FRMD4A: variants seen among roughly 807,000 people sequenced by gnomAD.
The protein encoded by FRMD4A is FERM domain containing 4A.
In FRMD4A, 29 loss-of-function variants were observed where a neutral mutation model predicts 129.1. The observed-to-expected ratio is 0.22, with a 90% confidence interval of 0.17 to 0.31. The LOEUF (loss-of-function observed/expected upper bound fraction) is 0.31. Among genes scored for constraint, FRMD4A ranks in the 10% least tolerant of loss-of-function variants. The pLI, the probability that FRMD4A is intolerant of heterozygous loss-of-function variation, is 1.00. For missense variants in FRMD4A, 1,272 were observed against 1,375.8 expected (o/e 0.92, Z 1.19); for synonymous variants, 634 against 571.6 (o/e 1.11, Z -1.56).
chr10:13,792,062 T>A lies in FRMD4A; in HGVS notation c.299+4434A>T, dbSNP rs1037673137. 2.0e-5 allele frequency among the ~76,000 whole-genome samples: 3 copies of A among 152,162 alleles called. No homozygotes were observed. The East Asian group carries it at 5.9e-4, about 30-fold the overall frequency. ...TGGTATTTCCAAGATATCCAGTGTA[T>A]CCCTTCAGAGTGGCAGCCTGCCAAG... is the stretch of plus-strand genomic sequence containing the variant. On this transcript the variant is annotated intron_variant, in intron 5 of 24. Transcript: ENST00000357447.
rs1724093786 is a variant in FRMD4A, at chr10:13,965,064, C to CTT, written c.46-106153_46-106152insAA. On this transcript the variant is annotated intron_variant, in intron 2 of 24. Transcript: ENST00000357447. ...AGGTAACATTGGAATGACCACTGGG[C>CTT]ATTTTTTTTTTTTTTTTGAATTCAG... Among the ~76,000 whole-genome samples, 10 of 111,024 alleles carry CTT rather than the reference C, an allele frequency of 9.0e-5. No individual in the cohort carries two copies. In the East Asian group the frequency reaches 2.7e-3, roughly 31 times the overall value. The allele number at this position is 111,024 out of a possible 152,430, so 72.8% of individuals were successfully genotyped here.
chr10:14,076,274 T>C (rs1039939003), intron 2 of FRMD4A, among the ~76,000 whole-genome samples: 4 of 152,130 alleles, frequency 2.6e-5, no homozygotes, highest in African/African-American at 9.7e-5. Context: ...AAGATGAAAA[T>C]GTGCTTGGGT....
Position 14,161,107 on chromosome 10 carries a change from A to G in FRMD4A, c.45+168951T>C, listed in dbSNP as rs1840863675. Among the ~76,000 whole-genome samples the G allele has an allele frequency of 1.3e-5, 2 of 152,078 alleles. 1 individual carries two copies. Among genetic ancestry groups the G allele is most frequent in the Admixed American group, 1.3e-4 (2 of 15,264 alleles). The stretch of plus-strand genomic sequence containing the variant: ...GTCGCTGGGATTACAGGCACCTGCC[A>G]CCACACCTGGATAATTTTTTGTAGT... On this transcript the variant is annotated intron_variant, in intron 2 of 24. Coordinates refer to ENST00000357447, the MANE Select transcript of FRMD4A (RefSeq NM_018027.5).
intron 2 of FRMD4A, among the ~76,000 whole-genome samples, chr10:14,237,497 AT>A (rs1285181906): frequency 1.3e-5 from 2 of 151,850 alleles, no homozygotes; most frequent in Non-Finnish European, 2.9e-5. Flanking sequence ...TGTCCAGCTA[AT>A]TTTTGTATTT....
chr10:13,726,614 C>T (rs1322309196), intron 12 of FRMD4A, among the ~76,000 whole-genome samples: 1 of 152,178 alleles, frequency 6.6e-6, no homozygotes, highest in Non-Finnish European at 1.5e-5. Flanking sequence ...TCGTAAGTCT[C>T]AGGCGGGGAT....
chr10:13,913,301 G>C (rs1220632673), intron 2 of FRMD4A, among the ~76,000 whole-genome samples: 1 of 152,142 alleles, frequency 6.6e-6, no homozygotes, highest in Non-Finnish European at 1.5e-5. Flanking sequence ...ATGTGTGTGG[G>C]GATGATAGCT....
At chr10:13,949,456 T>A (rs1384473380) in intron 2 of FRMD4A, among the ~76,000 whole-genome samples, 1 of 152,084 alleles carries the variant, frequency 6.6e-6, no homozygotes, top group Non-Finnish European at 1.5e-5. Context: ...TCAAGTTGAG[T>A]TTTCTTTTAG....
intron 2 of FRMD4A, among the ~76,000 whole-genome samples, chr10:14,125,977 C>A (rs1838818381): frequency 6.6e-6 from 1 of 152,114 alleles, no homozygotes; most frequent in African/African-American, 2.4e-5. Context: ...ATTTACTAAA[C>A]CGATGATAAA....
chr10:14,122,559 G>T (rs1250560431), intron 2 of FRMD4A, among the ~76,000 whole-genome samples: 3 of 150,924 alleles, frequency 2.0e-5, no homozygotes, highest in Non-Finnish European at 4.4e-5. Context: ...AGAATGTGAA[G>T]CGGGGAGCAG....
chr10:13,860,925 A>G (rs533676126), intron 2 of FRMD4A, among the ~76,000 whole-genome samples: 33 of 152,330 alleles, frequency 2.2e-4, no homozygotes, highest in Non-Finnish European at 4.0e-4. Flanking sequence ...ACTACAGAGC[A>G]GTCTCGTTTC....
At position 14,108,959 on chromosome 10, in the gene FRMD4A, C is replaced by G. The variant is rs1837727646; in HGVS notation, c.45+221099G>C. 1.3e-5 allele frequency among the ~76,000 whole-genome samples: 2 copies of G among 152,270 alleles called. 1 individual carries two copies. The highest frequency in any genetic ancestry group is 4.8e-5 in the African/African-American group (2 of 41,554). ...TCTTTGTAGGTCATGTAATTTTTCACACTTTTCTGACTTATTGATAAGGTC... is the reference window on the plus strand; with the variant it reads ...TCTTTGTAGGTCATGTAATTTTTCAGACTTTTCTGACTTATTGATAAGGTC... On this transcript the variant is annotated intron_variant, in intron 2 of 24. Coordinates refer to ENST00000357447, the MANE Select transcript of FRMD4A (RefSeq NM_018027.5).
intron 2 of FRMD4A, among the ~76,000 whole-genome samples, chr10:14,283,016 G>T (rs1845571817): frequency 1.3e-5 from 2 of 152,216 alleles, no homozygotes; most frequent in African/African-American, 4.8e-5. Flanking sequence ...GAAAGCTAAA[G>T]TCCAAATAAC....
rs114708314 is a variant in FRMD4A at position 13,654,378 on chromosome 10, C to T, written c.3050+38G>A. The stretch of plus-strand genomic sequence containing the variant: ...GATCTGAACGTCTATGACACTCTTT[C>T]GAGCTGACACAGTGAAGAACATAGA... On this transcript the variant is annotated intron_variant, in intron 23 of 24. Transcript: ENST00000357447. 930 of 1,289,268 alleles carry T rather than the reference C, an allele frequency of 7.2e-4. 4 individuals carry two copies. The African/African-American group carries it at 0.011, about 16-fold the overall frequency. The allele number at this position is 1,289,268 out of a possible 1,614,324, so 79.9% of individuals were successfully genotyped here. A position where few individuals can be genotyped will look rare whatever the true frequency, so the allele number is the denominator to read the frequency against.
At chr10:14,281,488 G>C (rs1281192417) in intron 2 of FRMD4A, among the ~76,000 whole-genome samples, 4 of 152,246 alleles carry the variant, frequency 2.6e-5, no homozygotes, top group Admixed American at 2.0e-4. Flanking sequence ...CACCAGGACT[G>C]TGAGAACATG....
chr10:13,659,266 A>G, intron 21 of FRMD4A, 57 bp downstream of exon 21: 3 of 1,476,542 alleles, frequency 2.0e-6, no homozygotes, highest in South Asian at 2.3e-5. Context: ...TGGGGCTGAC[A>G]ATGCCCAATT....
chr10:14,186,282 A>G (rs993670150), intron 2 of FRMD4A, among the ~76,000 whole-genome samples: 1 of 152,186 alleles, frequency 6.6e-6, no homozygotes, highest in Non-Finnish European at 1.5e-5. Flanking sequence ...TCACAGTCTG[A>G]ACTACCACCA....
At chr10:13,799,489 C>T (rs866794789) in intron 4 of FRMD4A, among the ~76,000 whole-genome samples, 6 of 151,782 alleles carry the variant, frequency 4.0e-5, no homozygotes, top group Admixed American at 6.6e-5. Flanking sequence ...GAAAATGCCA[C>T]GAGATCTACC....
At chr10:14,240,144 T>G (rs1427500360) in intron 2 of FRMD4A, among the ~76,000 whole-genome samples, 1 of 152,182 alleles carries the variant, frequency 6.6e-6, no homozygotes, top group African/African-American at 2.4e-5. Context: ...ACATCTTCAT[T>G]ATTCTCGCCC....
At chr10:14,214,703 T>G (rs1843022084) in intron 2 of FRMD4A, among the ~76,000 whole-genome samples, 1 of 152,228 alleles carries the variant, frequency 6.6e-6, no homozygotes, top group South Asian at 2.1e-4. Context: ...ATAGATAATC[T>G]TGTGTTTGAT....
Sources: gnomAD v4.1 joint callset for allele counts (sites outside exome capture counted in the v4.1 genomes callset) on GRCh38, gnomAD v4.1.1 for gene constraint, MANE v1.5 for transcripts, NCBI Gene and HGNC (gene_info 2026-07-23, HGNC 2026-07-21) for gene names.